The following LRRC69 variants were observed in gnomAD, a reference collection of about 807,000 sequenced individuals.
LRRC69 encodes the protein leucine-rich repeat-containing protein 69.
In LRRC69, 42 loss-of-function variants were observed where a neutral mutation model predicts 37.8. The ratio of observed to expected loss-of-function variants is 1.11; its 90% CI spans 0.87 to 1.44. The LOEUF (loss-of-function observed/expected upper bound fraction) is 1.44. Ranked by LOEUF, LRRC69 falls within the 40% of genes most tolerant of loss-of-function variation. LRRC69 has a pLI of 0.00. For missense variants in LRRC69, 357 were observed against 401.9 expected, an observed-to-expected ratio of 0.89 and a Z score of 0.96; for synonymous variants, 141 against 143.1, an observed-to-expected ratio of 0.99 and a Z score of 0.11.
intron 5 of LRRC69, among the ~76,000 whole-genome samples, chr8:91,177,179 G>T (rs1212495264): frequency 2.6e-5 from 4 of 152,042 alleles, no homozygotes. Flanking sequence ...ATTTTAAATG[G>T]ATCATCTCAA....
intron 5 of LRRC69, among the ~76,000 whole-genome samples, chr8:91,175,212 C>G (rs1197643502): frequency 1.3e-5 from 2 of 151,950 alleles, no homozygotes; most frequent in African/African-American, 4.8e-5. Flanking sequence ...TACGGTAAGG[C>G]TGGGCAGAGC....
intron 6 of LRRC69, among the ~76,000 whole-genome samples, chr8:91,200,396 G>A (rs1389015242): frequency 6.6e-6 from 1 of 152,118 alleles, no homozygotes; most frequent in Non-Finnish European, 1.5e-5. Flanking sequence ...GTAGAAATAC[G>A]ACAATGTAAG....
intron 5 of LRRC69, among the ~76,000 whole-genome samples, chr8:91,137,036 C>T (rs1216260951): frequency 1.3e-5 from 2 of 151,954 alleles, no homozygotes. Flanking sequence ...AATATTTGTT[C>T]TTTATCTGCT....
intron 7 of LRRC69, among the ~76,000 whole-genome samples, chr8:91,215,179 A>C (rs570807644): frequency 6.6e-6 from 1 of 152,234 alleles, no homozygotes; most frequent in South Asian, 2.1e-4. Flanking sequence ...GTGAGGTGAC[A>C]TGCATATTCA....
intron 6 of LRRC69, 124 bp from the exon 7 acceptor site, chr8:91,200,489 A>T: frequency 1.6e-6 from 1 of 625,250 alleles, no homozygotes; most frequent in Non-Finnish European, 2.5e-6. Context: ...GATACACTGC[A>T]GAATCTTAAT....
intron 5 of LRRC69, among the ~76,000 whole-genome samples, chr8:91,181,246 AG>A (rs1809319652): frequency 2.0e-5 from 3 of 152,212 alleles, no homozygotes; most frequent in Admixed American, 2.0e-4. Flanking sequence ...TTAGAAATAA[AG>A]TTGTTATCAG....
At chr8:91,165,506 T>A (rs1252180460) in intron 5 of LRRC69, among the ~76,000 whole-genome samples, 1 of 151,806 alleles carries the variant, frequency 6.6e-6, no homozygotes, top group African/African-American at 2.4e-5. Context: ...CCTTTCTCTT[T>A]CTTATACTTG....
At chr8:91,159,246 GT>G (rs1411884489) in intron 5 of LRRC69, among the ~76,000 whole-genome samples, 1 of 151,312 alleles carries the variant, frequency 6.6e-6, no homozygotes, top group Admixed American at 6.6e-5. Flanking sequence ...ACAAATCTGA[GT>G]TTTGTGAACC....
At chr8:91,210,432 T>A (rs2130643707) in intron 7 of LRRC69, among the ~76,000 whole-genome samples, 1 of 152,140 alleles carries the variant, frequency 6.6e-6, no homozygotes, top group East Asian at 1.9e-4. Flanking sequence ...TTTGAAACAC[T>A]GTCATGTGAA....
At chr8:91,124,659 T>G in intron 2 of LRRC69, 40 bp downstream of exon 2, 1 of 1,467,612 alleles carries the variant, frequency 6.8e-7, no homozygotes, top group African/African-American at 1.5e-5. Flanking sequence ...AGCATCAAAT[T>G]TAATCTCTCA....
chr8:91,154,921 G>A (rs1273099507), intron 5 of LRRC69, among the ~76,000 whole-genome samples: 1 of 151,586 alleles, frequency 6.6e-6, no homozygotes, highest in East Asian at 1.9e-4. Flanking sequence ...ATATGAAAAA[G>A]GAAATCAAAT....
At chr8:91,148,905 C>T (rs550594396) in intron 5 of LRRC69, among the ~76,000 whole-genome samples, 4 of 151,976 alleles carry the variant, frequency 2.6e-5, no homozygotes, top group South Asian at 2.1e-4. Flanking sequence ...CTGTTCATAT[C>T]GTTCACCCAC....
At chr8:91,110,836 G>T (rs1813396043) in intron 1 of LRRC69, among the ~76,000 whole-genome samples, 1 of 152,074 alleles carries the variant, frequency 6.6e-6, no homozygotes, top group South Asian at 2.1e-4. Context: ...GAATATAGGG[G>T]CTAGTGAGAA....
At chr8:91,124,357 A>G (rs1480796969) in intron 1 of LRRC69, 136 bp from the exon 2 acceptor site, 2 of 566,824 alleles carry the variant, frequency 3.5e-6, no homozygotes, top group East Asian at 3.5e-5. Context: ...CTTTAGGTAT[A>G]ACTGAAATAA....
In LRRC69 at chr8:91,112,266, C is replaced by T. The variant is rs899084311; in HGVS notation, c.183+9422C>T. On this transcript the variant is annotated intron_variant, in intron 1 of 7. Transcript: ENST00000448384. ...TACCTGTGCTCCAGACCCAGCTCTGCGGCTGCTCTGCATGCACTTGCACTT... is the reference window on the plus strand; with the variant it reads ...TACCTGTGCTCCAGACCCAGCTCTGTGGCTGCTCTGCATGCACTTGCACTT... Among the ~76,000 whole-genome samples, 20 of 152,084 alleles carry T rather than the reference C, an allele frequency of 1.3e-4. No individual in the cohort carries two copies. The East Asian group carries it at 1.9e-3, about 15-fold the overall frequency.
Position 91,154,026 on chromosome 8 carries a change from A to G in LRRC69, c.651+18287A>G, listed in dbSNP as rs1269419980. 3.9e-5 allele frequency among the ~76,000 whole-genome samples: 6 copies of G among 152,048 alleles called. No individual in the cohort carries two copies. In the East Asian group the frequency reaches 1.2e-3, roughly 29 times the overall value. ...CAAATAGGCTCAATGAAAACTACAA[A>G]GGGCATATCACCACTGACCCCAAAG... On this transcript the variant is annotated intron_variant, in intron 5 of 7. Transcript: ENST00000448384.
At chr8:91,206,636 A>G in intron 7 of LRRC69, 1 of 1,267,410 alleles carries the variant, frequency 7.9e-7, no homozygotes, top group Non-Finnish European at 1.0e-6. Flanking sequence ...GCTCTGACAG[A>G]TTCCCTCTCA....
intron 6 of LRRC69, among the ~76,000 whole-genome samples, chr8:91,192,260 G>C (rs940042395): frequency 1.3e-5 from 2 of 152,040 alleles, no homozygotes; most frequent in East Asian, 1.9e-4. Context: ...GGACATTTGG[G>C]TTGGTTCCAA....
intron 5 of LRRC69, among the ~76,000 whole-genome samples, chr8:91,155,336 A>C (rs1217806609): frequency 1.3e-5 from 2 of 150,948 alleles, no homozygotes; most frequent in Non-Finnish European, 1.5e-5. Flanking sequence ...CTTTTTAAAA[A>C]ATTTTTAAGC....
Sources: allele counts gnomAD v4.1 joint callset (sites outside exome capture counted in the v4.1 genomes callset), GRCh38; gene constraint gnomAD v4.1.1; transcripts MANE v1.5; gene names NCBI Gene and HGNC (gene_info 2026-07-23, HGNC 2026-07-21).